PLXNA4: variants seen among roughly 807,000 people sequenced by gnomAD.
PLXNA4 encodes the protein plexin A4.
In PLXNA4, 44 loss-of-function variants were observed where a neutral mutation model predicts 191.8. The observed-to-expected ratio is 0.23, with a 90% CI of 0.18 to 0.29. PLXNA4 has a LOEUF of 0.29. Among genes scored for constraint, PLXNA4 ranks in the 10% least tolerant of loss-of-function variants. PLXNA4 has a pLI of 1.00. For synonymous variants in PLXNA4, 1,082 were observed against 1,009.5 expected, an observed-to-expected ratio of 1.07 and a Z score of -1.36; for missense variants, 1,800 against 2,488.8, an observed-to-expected ratio of 0.72 and a Z score of 5.89.
At chr7:132,428,536 G>A (rs1266321973) in intron 3 of PLXNA4, among the ~76,000 whole-genome samples, 1 of 152,222 alleles carries the variant, frequency 6.6e-6, no homozygotes, top group African/African-American at 2.4e-5. Flanking sequence ...GCAGGCGGGA[G>A]ATTTATTATT....
intron 3 of PLXNA4, among the ~76,000 whole-genome samples, chr7:132,312,646 G>T (rs74562141): frequency 0.019 from 2,944 of 152,190 alleles, 89 homozygotes; most frequent in African/African-American, 0.067. Context: ...TGAAAGCATG[G>T]GTTCCAGAGG....
intron 2 of PLXNA4, among the ~76,000 whole-genome samples, chr7:132,496,354 A>C (rs905557063): frequency 1.3e-5 from 2 of 152,212 alleles, no homozygotes; most frequent in Non-Finnish European, 2.9e-5. Flanking sequence ...AATAGGTACC[A>C]AAACCCCAAA....
chr7:132,228,507 C>T (rs372216932), intron 5 of PLXNA4, 38 bp from the exon 6 acceptor site: 12 of 1,611,828 alleles, frequency 7.4e-6, no homozygotes, highest in African/African-American at 6.7e-5. Context: ...CAGGAGATGG[C>T]CGCTTGGTCC....
chr7:132,370,089 A>T (rs2116893455), intron 3 of PLXNA4, among the ~76,000 whole-genome samples: 1 of 149,052 alleles, frequency 6.7e-6, no homozygotes, highest in African/African-American at 2.5e-5. Flanking sequence ...AAAAAAAGGT[A>T]TGCAGTGTGG....
intron 3 of PLXNA4, among the ~76,000 whole-genome samples, chr7:132,302,038 A>T (rs1440557593): frequency 6.6e-6 from 1 of 152,196 alleles, no homozygotes; most frequent in Non-Finnish European, 1.5e-5. Flanking sequence ...TAGATTTTCC[A>T]GAAGCCTTTG....
At chr7:132,321,983 A>G (rs906131346) in intron 3 of PLXNA4, among the ~76,000 whole-genome samples, 10 of 152,162 alleles carry the variant, frequency 6.6e-5, no homozygotes, top group Non-Finnish European at 1.0e-4. Context: ...CCCAATCACC[A>G]AATTGGGCAC....
intron 3 of PLXNA4, among the ~76,000 whole-genome samples, chr7:132,371,119 TGGTTG>T (rs1443157927): frequency 6.6e-6 from 1 of 150,578 alleles, no homozygotes; most frequent in Non-Finnish European, 1.5e-5. Flanking sequence ...ACATGCCCCG[TGGTTG>T]GGCTGGGGAG....
intron 4 of PLXNA4, among the ~76,000 whole-genome samples, chr7:132,293,844 A>C (rs1000104944): frequency 6.6e-6 from 1 of 152,176 alleles, no homozygotes; most frequent in African/African-American, 2.4e-5. Context: ...AGTATGTTTC[A>C]TGTTAGATTT....
intron 2 of PLXNA4, among the ~76,000 whole-genome samples, chr7:132,633,740 C>T (rs1022057088): frequency 1.3e-5 from 2 of 152,206 alleles, no homozygotes; most frequent in East Asian, 1.9e-4. Context: ...TGACTCTGAC[C>T]CTCATCATCT....
intron 4 of PLXNA4, among the ~76,000 whole-genome samples, chr7:132,267,314 C>T (rs1013816012): frequency 5.3e-5 from 8 of 152,192 alleles, no homozygotes; most frequent in African/African-American, 1.9e-4. Context: ...GGAACACTTT[C>T]CTCTCTAGTC....
At chr7:132,177,002 T>C (rs1796492216) in intron 20 of PLXNA4, among the ~76,000 whole-genome samples, 1 of 152,106 alleles carries the variant, frequency 6.6e-6, no homozygotes, top group South Asian at 2.1e-4. Context: ...TGTGAGTGCA[T>C]GTGTATGCAT....
chr7:132,406,631 A>G (rs1470748556), intron 3 of PLXNA4, among the ~76,000 whole-genome samples: 1 of 152,192 alleles, frequency 6.6e-6, no homozygotes, highest in Non-Finnish European at 1.5e-5. Context: ...AAAACCAAAA[A>G]AAAAGAAAAG....
chr7:132,475,842 G>A (rs957186855), intron 3 of PLXNA4, among the ~76,000 whole-genome samples: 9 of 152,172 alleles, frequency 5.9e-5, no homozygotes, highest in African/African-American at 2.2e-4. Context: ...TGTCCATCTG[G>A]GCAATGGTCA....
chr7:132,349,900 G>C (rs1416733906), intron 3 of PLXNA4, among the ~76,000 whole-genome samples: 1 of 151,672 alleles, frequency 6.6e-6, no homozygotes, highest in Non-Finnish European at 1.5e-5. Context: ...TTCTGACCTT[G>C]TTGCAAAATT....
At chr7:132,229,733 T>C (rs1798459061) in intron 5 of PLXNA4, among the ~76,000 whole-genome samples, 1 of 151,744 alleles carries the variant, frequency 6.6e-6, no homozygotes, top group Non-Finnish European at 1.5e-5. Context: ...GGAATCTACA[T>C]GGGGAGGGAG....
chr7:132,569,118 C>G (rs1351005651), intron 1 of PLXNA4, among the ~76,000 whole-genome samples: 1 of 152,190 alleles, frequency 6.6e-6, no homozygotes, highest in Non-Finnish European at 1.5e-5. Flanking sequence ...CTACAGCAGA[C>G]CAGAAGGACC....
At chr7:132,280,977 A>C (rs975664054) in intron 4 of PLXNA4, among the ~76,000 whole-genome samples, 4 of 152,080 alleles carry the variant, frequency 2.6e-5, no homozygotes, top group Non-Finnish European at 2.9e-5. Flanking sequence ...CATTAGCATC[A>C]TAGCACTATC....
rs762377518 is a variant in PLXNA4 at position 132,164,205 on chromosome 7, G to T, written c.4437C>A (p.Gly1479=). The T allele has an allele frequency of 1.2e-6, 2 of 1,614,222 alleles. No homozygotes were observed. The highest frequency in any genetic ancestry group is 2.2e-5 in the East Asian group (1 of 44,872). ...CCTCGCTCAAGGAGTAGCGGGCCTC[G>T]CCCGTGATGGCGTCAATGGGGCCCT... The part of the protein sequence containing the change: ...MEKGPIDAIT[G]EARYSLSEDK... The change falls in exon 24 of 32, where the codon GGC becomes GGA. Residue 1479 remains glycine, a synonymous_variant. Coordinates refer to ENST00000321063, the MANE Select transcript of PLXNA4 (RefSeq NM_020911.2).
chr7:132,566,555 T>C (rs1292943859), intron 1 of PLXNA4, among the ~76,000 whole-genome samples: 1 of 152,200 alleles, frequency 6.6e-6, no homozygotes, highest in Non-Finnish European at 1.5e-5. Flanking sequence ...CTTTGTTAAT[T>C]TGATAAAGAA....
Sources: gnomAD v4.1 joint callset for allele counts (sites outside exome capture counted in the v4.1 genomes callset) on GRCh38, gnomAD v4.1.1 for gene constraint, MANE v1.5 for transcripts, NCBI Gene and HGNC (gene_info 2026-07-23, HGNC 2026-07-21) for gene names.